The following NCOA5 variants were observed in gnomAD, a reference collection of about 807,000 sequenced individuals.
NCOA5 encodes NCoA-5.
A neutral mutation model predicts 59.0 loss-of-function variants in NCOA5; 12 were observed. The ratio of observed to expected loss-of-function variants is 0.20; its 90% CI spans 0.13 to 0.33. The LOEUF (loss-of-function observed/expected upper bound fraction) is 0.33, where lower values mean the gene tolerates loss of function less well. Ranked by LOEUF, NCOA5 falls within the 10% of genes least tolerant of loss-of-function variation. The pLI is 1.00. For synonymous variants in NCOA5, 270 were observed against 275.5 expected (o/e 0.98, Z 0.20); for missense variants, 655 against 766.6 (o/e 0.85, Z 1.72).
chr20:46,079,146 G>A (rs2084967388), intron 2 of NCOA5, among the ~76,000 whole-genome samples: 1 of 152,094 alleles, frequency 6.6e-6, no homozygotes. Flanking sequence ...CCAATTGCCT[G>A]CAACTCATGT....
chr20:46,079,527 A>C, intron 1 of NCOA5, 74 bp from the exon 2 acceptor site: 1 of 1,233,094 alleles, frequency 8.1e-7, no homozygotes, highest in South Asian at 1.2e-5. Flanking sequence ...TTCAAATGAA[A>C]GCAACAACAA....
chr20:46,065,189 C>T lies in NCOA5; in HGVS notation c.669G>A (p.Leu223=), dbSNP rs117464940. 1,669 of 1,614,186 alleles carry T rather than the reference C, an allele frequency of 1.0e-3. 30 individuals are homozygous for T. In the East Asian group the frequency reaches 0.034, roughly 33 times the overall value. ...GGAAGATCAAGTCCACTACCATGCC[C>T]AGGTCTCGCACCTTCCGCCCCACAG... The part of the protein sequence containing the change: ...AESVGRKVRD[L]GMVVDLIFLN... The change falls in exon 6 of 8, where the codon CTG becomes CTA. Residue 223 remains leucine, a synonymous_variant. Transcript: ENST00000290231.
chr20:46,078,236 G>A (rs929112205), intron 2 of NCOA5, among the ~76,000 whole-genome samples: 32 of 152,180 alleles, frequency 2.1e-4, no homozygotes. Context: ...ATCTATTCCC[G>A]GTAGCTAGAA....
chr20:46,066,401 T>C (rs547604081), intron 5 of NCOA5, among the ~76,000 whole-genome samples: 41 of 152,326 alleles, frequency 2.7e-4, no homozygotes, highest in African/African-American at 7.2e-4. Context: ...TCCCAAAGTA[T>C]TGGGCATTTG....
chr20:46,067,120 G>C lies in NCOA5; in HGVS notation c.564C>G (p.Ile188Met). The C allele has an allele frequency of 6.2e-7, 1 of 1,614,090 alleles. No individual in the cohort carries two copies. The highest frequency in any genetic ancestry group is 8.5e-7 in the Non-Finnish European group (1 of 1,180,010). The change falls in exon 5 of 8, where the codon ATC (isoleucine) becomes ATG (methionine). Residue 188 changes from isoleucine to methionine, a missense_variant. Coordinates refer to ENST00000290231, the MANE Select transcript of NCOA5 (RefSeq NM_020967.3). ...EELYRQYFEE[I>M]QRRFDAERPV... The stretch of plus-strand genomic sequence containing the variant: ...GCCTTTCGGCATCAAAGCGTCTCTG[G>C]ATTTCCTCAAAATATTGACGATAAA...
intron 1 of NCOA5, among the ~76,000 whole-genome samples, chr20:46,081,916 C>A (rs180812470): frequency 1.6e-4 from 25 of 152,122 alleles, no homozygotes; most frequent in Admixed American, 1.2e-3. Context: ...GCACATAGAA[C>A]TTTTGGGAAA....
At chr20:46,062,915 T>C in intron 7 of NCOA5, 26 bp from the exon 8 acceptor site, 1 of 1,505,074 alleles carries the variant, frequency 6.6e-7, no homozygotes, top group Non-Finnish European at 8.8e-7. Context: ...GGGAGGTATC[T>C]GGTTCAAAGT....
chr20:46,068,691 A>G, intron 3 of NCOA5, 53 bp from the exon 4 acceptor site: 1 of 1,564,072 alleles, frequency 6.4e-7, no homozygotes, highest in Non-Finnish European at 8.7e-7. Flanking sequence ...TATCCTGAAA[A>G]AGTCACCTAG....
At chr20:46,068,444 T>C in intron 4 of NCOA5, 58 bp downstream of exon 4, 1 of 1,541,642 alleles carries the variant, frequency 6.5e-7, no homozygotes, top group African/African-American at 1.4e-5. Context: ...ATTAGTTTCC[T>C]CTCTCTTTTG....
intron 2 of NCOA5, among the ~76,000 whole-genome samples, chr20:46,073,375 T>C (rs993175422): frequency 1.3e-5 from 2 of 152,226 alleles, no homozygotes; most frequent in Non-Finnish European, 2.9e-5. Context: ...CCAGGGACTT[T>C]AAATGAGAAT....
chr20:46,078,126 C>T (rs1245622423), intron 2 of NCOA5, among the ~76,000 whole-genome samples: 1 of 152,230 alleles, frequency 6.6e-6, no homozygotes, highest in East Asian at 1.9e-4. Context: ...TTGGATTCAA[C>T]TCTGCTGCAC....
intron 2 of NCOA5, among the ~76,000 whole-genome samples, chr20:46,078,742 T>C (rs1002507163): frequency 2.6e-5 from 4 of 152,142 alleles, no homozygotes; most frequent in African/African-American, 7.2e-5. Context: ...CAATTTAATG[T>C]GTATCTTGAG....
chr20:46,082,108 T>G (rs2084998010), intron 1 of NCOA5, among the ~76,000 whole-genome samples: 1 of 151,994 alleles, frequency 6.6e-6, no homozygotes, highest in Non-Finnish European at 1.5e-5. Context: ...ATGCAAATAT[T>G]GAGAATGCTA....
chr20:46,076,567 C>CTT (rs111295797), intron 2 of NCOA5, among the ~76,000 whole-genome samples: 3 of 137,474 alleles, frequency 2.2e-5, no homozygotes, highest in South Asian at 2.3e-4. Context: ...TTAAATTTGT[C>CTT]TTTTTTTTTT....
chr20:46,069,700 C>T (rs1406827), intron 3 of NCOA5, among the ~76,000 whole-genome samples: 48,916 of 151,206 alleles, frequency 0.32, 8,303 homozygotes, highest in East Asian at 0.57. Flanking sequence ...CACTGCACTC[C>T]AGCCTGGGAA....
In NCOA5 at chr20:46,063,390, G is replaced by A; in HGVS notation, c.1120C>T (p.Leu374=). 2 of 1,613,592 alleles carry A rather than the reference G, an allele frequency of 1.2e-6. No individual in the cohort carries two copies. The highest frequency in any genetic ancestry group is 1.7e-6 in the Non-Finnish European group (2 of 1,179,982). The change falls in exon 7 of 8, where the codon CTG becomes TTG. Residue 374 remains leucine (L), a synonymous_variant. Transcript: ENST00000290231. ...AGAGAGTCGGTGCTGCTCCTCATCA[G>A]CCGCTCCTTCCGCTCTCGCAGGTAG... ...INYLRERKER[L]MRSSTDSLPG...
intron 1 of NCOA5, among the ~76,000 whole-genome samples, chr20:46,085,756 T>C (rs903411417): frequency 6.6e-6 from 1 of 152,140 alleles, no homozygotes. Context: ...CAAAACACTT[T>C]GCTATGGACA....
chr20:46,071,854 ACTTT>A (rs2084886358), intron 2 of NCOA5, among the ~76,000 whole-genome samples: 3 of 152,154 alleles, frequency 2.0e-5, no homozygotes, highest in Admixed American at 2.0e-4. Flanking sequence ...AGCTCAGGGC[ACTTT>A]CTATCTGTAT....
Position 46,072,707 on chromosome 20 carries a change from C to G in NCOA5, c.39-2171G>C, listed in dbSNP as rs542103632. 1.8e-4 allele frequency among the ~76,000 whole-genome samples: 27 copies of G among 152,310 alleles called. No individual in the cohort carries two copies. The South Asian group carries it at 5.4e-3, about 30-fold the overall frequency. ...AGAGATCTATACTCCTCTTCCAGGT[C>G]TCAGCATATAAATATCCCCTACTCC... is the stretch of plus-strand genomic sequence containing the variant. On this transcript the variant is annotated intron_variant, in intron 2 of 7. Transcript: ENST00000290231.
Sources: gnomAD v4.1 joint callset for allele counts (sites outside exome capture counted in the v4.1 genomes callset) on GRCh38, gnomAD v4.1.1 for gene constraint, MANE v1.5 for transcripts, NCBI Gene and HGNC (gene_info 2026-07-23, HGNC 2026-07-21) for gene names.